Variants in SCFD2 observed in about 807,000 individuals in gnomAD.
The protein encoded by SCFD2 is sec1 family domain-containing protein 2.
SCFD2 carries 54 observed loss-of-function variants against 58.9 expected under a neutral mutation model. The ratio of observed to expected loss-of-function variants is 0.92; its 90% CI spans 0.74 to 1.15. The LOEUF is 1.15. Among genes scored for constraint, SCFD2 ranks in the 50% most tolerant of loss-of-function variants. The pLI is 0.00. For missense variants in SCFD2, 805 were observed against 836.6 expected, an observed-to-expected ratio of 0.96 and a Z score of 0.47; for synonymous variants, 321 against 335.9, an observed-to-expected ratio of 0.96 and a Z score of 0.49.
At chr4:53,112,582 A>T (rs1017411950) in intron 5 of SCFD2, among the ~76,000 whole-genome samples, 34 of 152,116 alleles carry the variant, frequency 2.2e-4, no homozygotes, top group Admixed American at 2.2e-3. Flanking sequence ...TTCTCAAAAC[A>T]TTTGAGTGAA....
intron 4 of SCFD2, among the ~76,000 whole-genome samples, chr4:53,182,065 T>C (rs1727580650): frequency 1.3e-5 from 2 of 152,098 alleles, no homozygotes; most frequent in African/African-American, 4.8e-5. Flanking sequence ...ATCGTGAAAA[T>C]GGCCATATTG....
intron 4 of SCFD2, among the ~76,000 whole-genome samples, chr4:53,180,988 G>A (rs925660002): frequency 2.2e-4 from 34 of 152,086 alleles, no homozygotes; most frequent in African/African-American, 8.0e-4. Context: ...CCAATAACAG[G>A]CTCTGAAATT....
At chr4:53,263,271 T>C (rs1052035625) in intron 4 of SCFD2, among the ~76,000 whole-genome samples, 3 of 152,152 alleles carry the variant, frequency 2.0e-5, no homozygotes, top group Admixed American at 6.5e-5. Context: ...GATTTCATCT[T>C]GGTTTGGATT....
Position 53,299,986 on chromosome 4 carries a change from GC to G in SCFD2, c.1135+13649del, listed in dbSNP as rs529471829. ...AAAGGAACAACTGGTACCAGCCACT[GC>G]AAAAACATGCAAAATTGTAAAGACC... On this transcript the variant is annotated intron_variant, in intron 3 of 8. Transcript: ENST00000401642. Among the ~76,000 whole-genome samples, 437 of 152,254 alleles carry G rather than the reference GC, an allele frequency of 2.9e-3. 1 individual carries two copies. Among genetic ancestry groups the G allele is most frequent in the African/African-American group, 1.0e-2 (415 of 41,546 alleles).
intron 2 of SCFD2, among the ~76,000 whole-genome samples, chr4:53,330,615 C>CCATTTT (rs1304944754): frequency 1.3e-5 from 2 of 152,042 alleles, no homozygotes; most frequent in East Asian, 3.9e-4. Flanking sequence ...TGGAAAGGAA[C>CCATTTT]AACCAGTACC....
chr4:53,025,327 C>A (rs1220978868), intron 5 of SCFD2, among the ~76,000 whole-genome samples: 1 of 152,090 alleles, frequency 6.6e-6, no homozygotes, highest in Admixed American at 6.6e-5. Flanking sequence ...ATTAGAAAAT[C>A]AACATTAAAA....
intron 4 of SCFD2, among the ~76,000 whole-genome samples, chr4:53,153,389 G>A (rs1451630838): frequency 6.6e-6 from 1 of 152,204 alleles, no homozygotes; most frequent in Non-Finnish European, 1.5e-5. Context: ...GTGCCCTCCA[G>A]AGCAGCAACT....
At chr4:52,950,956 C>G (rs533018830) in intron 5 of SCFD2, 6 of 152,304 alleles carry the variant, frequency 3.9e-5, no homozygotes, top group Admixed American at 3.9e-4. Flanking sequence ...TACCAGACAG[C>G]AATTCCGTTC....
chr4:53,205,307 C>T (rs981718853), intron 4 of SCFD2, among the ~76,000 whole-genome samples: 2 of 151,942 alleles, frequency 1.3e-5, no homozygotes, highest in Non-Finnish European at 2.9e-5. Flanking sequence ...CTTTTTTTAC[C>T]TGGATGTGCC....
intron 5 of SCFD2, among the ~76,000 whole-genome samples, chr4:53,072,704 G>A (rs1458853015): frequency 2.0e-5 from 3 of 151,980 alleles, no homozygotes; most frequent in Admixed American, 6.6e-5. Context: ...ATCAGACACC[G>A]CTTCCTCAAC....
intron 4 of SCFD2, among the ~76,000 whole-genome samples, chr4:53,246,822 T>A (rs1296753453): frequency 5.3e-5 from 8 of 151,616 alleles, no homozygotes; most frequent in African/African-American, 1.9e-4. Context: ...CAAAAGCAAG[T>A]TTAACAAAAG....
At chr4:53,002,362 G>A (rs1721881366) in intron 5 of SCFD2, among the ~76,000 whole-genome samples, 1 of 152,116 alleles carries the variant, frequency 6.6e-6, no homozygotes, top group Non-Finnish European at 1.5e-5. Flanking sequence ...GGCCTGGAGA[G>A]GATACCACCA....
chr4:52,980,449 C>T (rs974518808), intron 5 of SCFD2, among the ~76,000 whole-genome samples: 1 of 152,148 alleles, frequency 6.6e-6, no homozygotes, highest in Non-Finnish European at 1.5e-5. Context: ...GGGCTGAAAC[C>T]TCATCAGCTG....
chr4:53,079,425 A>C (rs770403270), intron 5 of SCFD2, among the ~76,000 whole-genome samples: 7 of 152,222 alleles, frequency 4.6e-5, no homozygotes, highest in Non-Finnish European at 1.0e-4. Flanking sequence ...CTCTCTGGGC[A>C]TACCTTAGCC....
Position 53,258,538 on chromosome 4 carries a change from GTATATATATATA to G in SCFD2, c.1311+15276_1311+15287del, listed in dbSNP as rs59321045. On this transcript the variant is annotated intron_variant, in intron 4 of 8. Transcript: ENST00000401642. The stretch of plus-strand genomic sequence containing the variant: ...CTAAGTCGTATTCCATGGTGTGTGT[GTATATATATATA>G]TATATATATATATATATATATATAT... Among the ~76,000 whole-genome samples the G allele has an allele frequency of 6.8e-3, 820 of 119,940 alleles. 13 individuals carry two copies. The highest frequency in any genetic ancestry group is 8.4e-3 in the Non-Finnish European group (493 of 58,784). 78.7% of individuals were successfully genotyped at this position (119,940 alleles called of 152,430 possible). A position where few individuals can be genotyped will look rare whatever the true frequency, so the allele number is the denominator to read the frequency against.
intron 4 of SCFD2, among the ~76,000 whole-genome samples, chr4:53,273,063 T>C (rs1238547307): frequency 6.6e-6 from 1 of 152,110 alleles, no homozygotes; most frequent in Non-Finnish European, 1.5e-5. Flanking sequence ...GAGATGGTTA[T>C]ATAGTATCAA....
At chr4:53,256,709 C>T (rs1730648166) in intron 4 of SCFD2, among the ~76,000 whole-genome samples, 1 of 151,912 alleles carries the variant, frequency 6.6e-6, no homozygotes, top group Admixed American at 6.6e-5. Context: ...ACCCTGTCTC[C>T]ACCAAAAAAA....
intron 4 of SCFD2, among the ~76,000 whole-genome samples, chr4:53,187,300 G>T (rs1168251351): frequency 2.0e-5 from 3 of 152,084 alleles, no homozygotes; most frequent in Non-Finnish European, 4.4e-5. Flanking sequence ...GGACAGCATA[G>T]AGAGTCTTGT....
intron 5 of SCFD2, among the ~76,000 whole-genome samples, chr4:53,101,832 T>C (rs1425698266): frequency 3.3e-5 from 5 of 152,096 alleles, no homozygotes. Flanking sequence ...AATTTATAAA[T>C]TTTGTGACAT....
Sources: gnomAD v4.1 joint callset for allele counts (sites outside exome capture counted in the v4.1 genomes callset) on GRCh38, gnomAD v4.1.1 for gene constraint, MANE v1.5 for transcripts, NCBI Gene and HGNC (gene_info 2026-07-23, HGNC 2026-07-21) for gene names.